KCNN1: variants seen among roughly 807,000 people sequenced by gnomAD.
KCNN1 encodes the protein small conductance calcium-activated potassium channel protein 1.
In KCNN1, 20 loss-of-function variants were observed where a neutral mutation model predicts 44.7. The ratio of observed to expected loss-of-function variants is 0.45; its 90% CI spans 0.32 to 0.65. The LOEUF (loss-of-function observed/expected upper bound fraction) is 0.65, where lower values mean the gene tolerates loss of function less well. Ranked by LOEUF, KCNN1 falls within the 30% of genes least tolerant of loss-of-function variation. KCNN1 has a pLI of 0.05. For missense variants in KCNN1, 632 were observed against 785.3 expected (o/e 0.80, Z 2.33); for synonymous variants, 324 against 341.7 (o/e 0.95, Z 0.57).
At chr19:17,986,310 C>G (rs145896534) in intron 5 of KCNN1, among the ~76,000 whole-genome samples, 3 of 150,918 alleles carry the variant, frequency 2.0e-5, no homozygotes, top group Non-Finnish European at 4.4e-5. Context: ...TTGTGGTGAG[C>G]GGAGATCACG....
chr19:17,955,793 C>CCCCCCA (rs1350439491), intron 2 of KCNN1, among the ~76,000 whole-genome samples: 2 of 149,930 alleles, frequency 1.3e-5, no homozygotes, highest in Non-Finnish European at 3.0e-5. Context: ...CCCGCCCCCG[C>CCCCCCA]CCCCCACACA....
chr19:17,956,538 C>T (rs1265127673), intron 2 of KCNN1, among the ~76,000 whole-genome samples: 1 of 151,456 alleles, frequency 6.6e-6, no homozygotes, highest in East Asian at 2.0e-4. Context: ...AGCTCAGGAG[C>T]TTGAGACCAG....
Position 17,993,139 on chromosome 19 carries a change from G to A in KCNN1, c.1307+77G>A, listed in dbSNP as rs1348896520. ...TGGTCACAGACAGGGGGTACACCCG[G>A]GGCATGCCAACCCCAGCCTCAGAGG... On this transcript the variant is annotated intron_variant, in intron 8 of 9. Transcript: ENST00000684775. The surrounding 1 kb of genome is among the most constrained non-coding windows in gnomAD (Gnocchi z 4.5). The A allele has an allele frequency of 3.2e-6, 5 of 1,563,612 alleles. No homozygotes were observed. Among genetic ancestry groups the A allele is most frequent in the Non-Finnish European group, 4.4e-6 (5 of 1,137,460 alleles).
intron 1 of KCNN1, among the ~76,000 whole-genome samples, chr19:17,969,853 G>T (rs977800482): frequency 1.3e-5 from 2 of 152,206 alleles, no homozygotes; most frequent in Admixed American, 6.5e-5. Context: ...CCCTGGAGGA[G>T]GGCAGGATCT....
chr19:17,987,507 C>CTGTCTAGTATTGTCCA lies in KCNN1; in HGVS notation c.1060-907_1060-906insGTCTAGTATTGTCCAT, dbSNP rs2032640839. On this transcript the variant is annotated intron_variant, in intron 5 of 9. Transcript: ENST00000684775. Reference sequence around the variant, plus strand: ...GCAGAGCCGTTGTCCATTCCTTTTCCTTGCTGTCTAGTATTCTAGGTGGAG... The same window carrying CTGTCTAGTATTGTCCA: ...GCAGAGCCGTTGTCCATTCCTTTTCCTGTCTAGTATTGTCCATTGCTGTCTAGTATTCTAGGTGGAG... Among the ~76,000 whole-genome samples, 3 of 152,176 alleles carry CTGTCTAGTATTGTCCA rather than the reference C, an allele frequency of 2.0e-5. No homozygotes were observed. In the South Asian group the frequency reaches 6.2e-4, roughly 32 times the overall value.
upstream of KCNN1, among the ~76,000 whole-genome samples, chr19:17,962,444 C>T (rs1313146594): frequency 1.3e-5 from 2 of 152,134 alleles, no homozygotes; most frequent in Non-Finnish European, 2.9e-5. Context: ...ATATCAAAGC[C>T]GGTCTTGTCT....
At chr19:17,955,609 T>A (rs1264404443) in intron 2 of KCNN1, among the ~76,000 whole-genome samples, 2 of 149,672 alleles carry the variant, frequency 1.3e-5, no homozygotes, top group African/African-American at 2.4e-5. Context: ...ATAATATAAT[T>A]ATTATTATAT....
In KCNN1 at chr19:17,983,696, C is replaced by T. The variant is rs532843785; in HGVS notation, c.917+1569C>T. ...TGCCTGCCTCGCTCTGACCCACCCC[C>T]GCCTCCCGCATGTCCCCCAGCCGTG... is the stretch of plus-strand genomic sequence containing the variant. On this transcript the variant is annotated intron_variant, in intron 4 of 9. Transcript: ENST00000684775. This position sits in a 1 kb window ranked among gnomAD's most constrained non-coding sequence, Gnocchi z 4.5. 1.3e-5 allele frequency among the ~76,000 whole-genome samples: 2 copies of T among 152,164 alleles called. No homozygotes were observed. The highest frequency in any genetic ancestry group is 6.5e-5 in the Admixed American group (1 of 15,282).
At chr19:17,990,570 G>A (rs1037323217) in intron 7 of KCNN1, among the ~76,000 whole-genome samples, 3 of 151,804 alleles carry the variant, frequency 2.0e-5, no homozygotes, top group African/African-American at 7.3e-5. Context: ...GGAGGCCGAG[G>A]TGGGTGGATC....
chr19:17,983,923 C>T lies in KCNN1; in HGVS notation c.918-1389C>T, dbSNP rs970490189. 4.0e-5 allele frequency among the ~76,000 whole-genome samples: 6 copies of T among 151,542 alleles called. No homozygotes were observed. Among genetic ancestry groups the T allele is most frequent in the African/African-American group, 7.3e-5 (3 of 41,226 alleles). On this transcript the variant is annotated intron_variant, in intron 4 of 9. Transcript: ENST00000684775. The surrounding 1 kb of genome is among the most constrained non-coding windows in gnomAD (Gnocchi z 4.5). ...CTGTAATCCCAGCACTTTGGGAGGC[C>T]GAGGCGGGTGGATTACCAGGTCAGG...
chr19:17,992,053 G>A (rs993847527), intron 7 of KCNN1, among the ~76,000 whole-genome samples: 4 of 152,182 alleles, frequency 2.6e-5, no homozygotes, highest in Non-Finnish European at 5.9e-5. Context: ...GGGCGCGGTG[G>A]CTCACACTTG....
upstream of KCNN1, among the ~76,000 whole-genome samples, chr19:17,966,954 C>T (rs1256513920): frequency 6.6e-6 from 1 of 151,394 alleles, no homozygotes; most frequent in East Asian, 1.9e-4. Context: ...CGAAGACCAG[C>T]CGCATGCCGG....
chr19:17,967,714 A>AAC (rs1190908633), intron 1 of KCNN1, among the ~76,000 whole-genome samples: 5 of 151,734 alleles, frequency 3.3e-5, no homozygotes, highest in Non-Finnish European at 5.9e-5. Context: ...GCACTCAGGG[A>AAC]GGGGTCAGGA....
In KCNN1 at chr19:17,974,957, G is replaced by A. The variant is rs1266578680; in HGVS notation, c.403-135G>A. 7.3e-5 allele frequency: 48 copies of A among 659,254 alleles called. No individual in the cohort carries two copies. Among genetic ancestry groups the A allele is most frequent in the Non-Finnish European group, 1.1e-4 (41 of 368,828 alleles). 40.8% of individuals were successfully genotyped at this position (659,254 alleles called of 1,614,324 possible). A position where few individuals can be genotyped will look rare whatever the true frequency, so the allele number is the denominator to read the frequency against. On this transcript the variant is annotated intron_variant, in intron 2 of 9. Coordinates refer to ENST00000684775, the MANE Select transcript of KCNN1 (RefSeq NM_001386974.1). The surrounding 1 kb of genome is among the most constrained non-coding windows in gnomAD (Gnocchi z 7.3). ...GACTGGGGAACTAGCAGAAATTCAG[G>A]GTACAGTGGGAGAAGCCACTGGGAA...
upstream of KCNN1, among the ~76,000 whole-genome samples, chr19:17,963,782 G>C (rs1412753865): frequency 6.6e-6 from 1 of 151,130 alleles, no homozygotes; most frequent in Non-Finnish European, 1.5e-5. Context: ...CTGGAGGGCA[G>C]AGGCATGATC....
chr19:17,997,121 A>G (rs563753540), intron 9 of KCNN1, among the ~76,000 whole-genome samples: 25 of 152,296 alleles, frequency 1.6e-4, no homozygotes, highest in African/African-American at 5.5e-4. Context: ...TTGAGGTGGT[A>G]GGGATGCCCC....
Position 17,961,919 on chromosome 19 carries a change from A to G in KCNN1, c.-82+7238A>G, listed in dbSNP as rs547186697. 6.1e-4 allele frequency among the ~76,000 whole-genome samples: 88 copies of G among 143,882 alleles called. No homozygotes were observed. In the South Asian group the frequency reaches 7.7e-3, roughly 13 times the overall value. The allele number at this position is 143,882 out of a possible 152,430, so 94.4% of individuals were successfully genotyped here. Reference sequence around the variant, plus strand: ...AACCCCTATTTTCAAATAAGGTCCAAGGTTCTGGGGAGGACTCAAATTTTG... The same window carrying G: ...AACCCCTATTTTCAAATAAGGTCCAGGGTTCTGGGGAGGACTCAAATTTTG... On this transcript the variant is annotated intron_variant, in intron 2 of 10. Coordinates refer to the KCNN1 transcript ENST00000222249.
At chr19:17,978,747 C>T (rs550800249) in intron 3 of KCNN1, among the ~76,000 whole-genome samples, 164 of 151,134 alleles carry the variant, frequency 1.1e-3, no homozygotes, top group African/African-American at 3.5e-3. Flanking sequence ...GCCACAGACC[C>T]GGCTTTTTTT....
chr19:17,978,424 GT>G (rs936725904), intron 3 of KCNN1, among the ~76,000 whole-genome samples: 429 of 117,060 alleles, frequency 3.7e-3, no homozygotes, highest in African/African-American at 5.3e-3. Context: ...TGCCCAGCCT[GT>G]TTTTTTTTTT....
Sources: gnomAD v4.1 joint callset for allele counts (sites outside exome capture counted in the v4.1 genomes callset) on GRCh38, gnomAD v4.1.1 for gene constraint, Gnocchi (gnomAD v3.1) non-coding constraint, MANE v1.5 for transcripts, NCBI Gene and HGNC (gene_info 2026-07-23, HGNC 2026-07-21) for gene names.